The following TIMP2 variants were observed in gnomAD, a reference collection of about 807,000 sequenced individuals.
TIMP2 encodes the protein metalloproteinase inhibitor 2.
In TIMP2, 5 loss-of-function variants were observed where a neutral mutation model predicts 24.3. The ratio of observed to expected loss-of-function variants is 0.21; its 90% CI spans 0.11 to 0.43. The LOEUF is 0.43. Among genes scored for constraint, TIMP2 ranks in the 20% least tolerant of loss-of-function variants. The pLI is 1.00. For missense variants in TIMP2, 221 were observed against 297.5 expected (o/e 0.74, Z 1.89); for synonymous variants, 130 against 123.2 (o/e 1.06, Z -0.37).
At chr17:78,877,300 C>G (rs551816589) in intron 1 of TIMP2, among the ~76,000 whole-genome samples, 1 of 152,360 alleles carries the variant, frequency 6.6e-6, no homozygotes, top group South Asian at 2.1e-4. Context: ...AAACCAGGGC[C>G]AGGCACGGTG....
chr17:78,908,121 C>T (rs1023240419), intron 1 of TIMP2, among the ~76,000 whole-genome samples: 7 of 151,976 alleles, frequency 4.6e-5, no homozygotes, highest in South Asian at 4.2e-4. Flanking sequence ...GGTGACAAAG[C>T]GAGACACTGT....
chr17:78,909,728 C>T (rs1002808537), intron 1 of TIMP2, among the ~76,000 whole-genome samples: 2 of 152,118 alleles, frequency 1.3e-5, no homozygotes, highest in Admixed American at 1.3e-4. Context: ...AGACGTGCAG[C>T]GTCATGCTAC....
chr17:78,868,256 C>CTT (rs547144704), intron 3 of TIMP2, among the ~76,000 whole-genome samples: 2 of 148,586 alleles, frequency 1.3e-5, no homozygotes, highest in African/African-American at 2.5e-5. Flanking sequence ...TTTCTTTTCT[C>CTT]TTTTTTTTTT....
chr17:78,917,109 G>A (rs559550342), intron 1 of TIMP2, among the ~76,000 whole-genome samples: 13 of 152,248 alleles, frequency 8.5e-5, no homozygotes, highest in East Asian at 3.9e-4. Context: ...AAAATTAGCC[G>A]GGCGTAGTGG....
chr17:78,858,772 A>C (rs2069545439), intron 3 of TIMP2, among the ~76,000 whole-genome samples: 1 of 152,000 alleles, frequency 6.6e-6, no homozygotes, highest in African/African-American at 2.4e-5. Context: ...CAATACCCCC[A>C]CTTTGGCCTC....
chr17:78,916,336 C>G (rs112465406), intron 1 of TIMP2, among the ~76,000 whole-genome samples: 9,920 of 152,278 alleles, frequency 0.065, 390 homozygotes, highest in Middle Eastern at 0.13. Flanking sequence ...TCCCTTCCCC[C>G]TCAATGCTCC....
At chr17:78,923,396 T>TGGGGGGG (rs1255104339) in intron 1 of TIMP2, among the ~76,000 whole-genome samples, 13 of 47,686 alleles carry the variant, frequency 2.7e-4, no homozygotes, top group Admixed American at 4.5e-4. Flanking sequence ...TGGGGCGGGG[T>TGGGGGGG]GGGGGGGGGG....
rs954507529 is a variant in TIMP2 at position 78,920,452 on chromosome 17, C to A, written c.130+4507G>T. On this transcript the variant is annotated intron_variant, in intron 1 of 4. Transcript: ENST00000262768. The surrounding 1 kb of genome is among the most constrained non-coding windows in gnomAD (Gnocchi z 4.5). ...GAAACGTGTGTTGTCCAGAGAGCTC[C>A]TTCCAGCACCTGCCATACCTCCAGG... is the stretch of plus-strand genomic sequence containing the variant. 6.6e-6 allele frequency among the ~76,000 whole-genome samples: 1 copy of A among 152,164 alleles called. No individual in the cohort carries two copies. Among genetic ancestry groups the A allele is most frequent in the African/African-American group, 2.4e-5 (1 of 41,436 alleles).
At chr17:78,858,495 G>A (rs1389891374) in intron 3 of TIMP2, among the ~76,000 whole-genome samples, 1 of 151,674 alleles carries the variant, frequency 6.6e-6, no homozygotes, top group Non-Finnish European at 1.5e-5. Context: ...ATTACCCACA[G>A]CTAATATTTT....
chr17:78,858,293 A>G (rs188261525), intron 3 of TIMP2, among the ~76,000 whole-genome samples: 4 of 151,856 alleles, frequency 2.6e-5, no homozygotes, highest in Non-Finnish European at 4.4e-5. Flanking sequence ...AATACAAAAA[A>G]TTAGCCAGGC....
Position 78,878,325 on chromosome 17 carries a change from G to A in TIMP2, c.131-4406C>T, listed in dbSNP as rs1198428056. ...AGTTGTTCACACCTAAGACAGAGAC[G>A]ATGACAACAGTCTTGACACTTCACA... On this transcript the variant is annotated intron_variant, in intron 1 of 4. Transcript: ENST00000262768. Among the ~76,000 whole-genome samples, 8 of 152,292 alleles carry A rather than the reference G, an allele frequency of 5.3e-5. No individual in the cohort carries two copies. In the East Asian group the frequency reaches 5.8e-4, roughly 11 times the overall value.
intron 1 of TIMP2, among the ~76,000 whole-genome samples, chr17:78,879,351 A>G (rs1182767541): frequency 6.6e-6 from 1 of 152,232 alleles, no homozygotes; most frequent in Non-Finnish European, 1.5e-5. Context: ...AAAGCAGGCC[A>G]CTTCAAAAGA....
chr17:78,923,408 C>CGGGGGGGGGGG (rs2070323933), intron 1 of TIMP2, among the ~76,000 whole-genome samples: 1 of 5,472 alleles, frequency 1.8e-4, no homozygotes. Context: ...GGGGGGGGGG[C>CGGGGGGGGGGG]GGGAGGGGGA....
rs571823006 is a variant in TIMP2, at chr17:78,891,962, C to G, written c.131-18043G>C. ...GGGGTGTTGCTGGCCCAACTCTTCC[C>G]TGCAACTCCTCTCTTCACTAAGGGC... On this transcript the variant is annotated intron_variant, in intron 1 of 4. Coordinates refer to ENST00000262768, the MANE Select transcript of TIMP2 (RefSeq NM_003255.5). This position sits in a 1 kb window ranked among gnomAD's most constrained non-coding sequence, Gnocchi z 4.5. The G allele has an allele frequency of 1.8e-4, 279 of 1,550,624 alleles. No individual in the cohort carries two copies. The African/African-American group carries it at 3.7e-3, about 20-fold the overall frequency.
At chr17:78,863,304 A>T (rs1260073208) in intron 3 of TIMP2, among the ~76,000 whole-genome samples, 1 of 152,068 alleles carries the variant, frequency 6.6e-6, no homozygotes, top group Non-Finnish European at 1.5e-5. Context: ...GTGCAGTGGC[A>T]CAATCTTGGC....
chr17:78,886,461 T>C (rs1210638654), intron 1 of TIMP2, among the ~76,000 whole-genome samples: 1 of 152,068 alleles, frequency 6.6e-6, no homozygotes, highest in Non-Finnish European at 1.5e-5. Flanking sequence ...ACAGAGGTGA[T>C]GCTACACTGA....
chr17:78,879,836 C>G (rs1382415945), intron 1 of TIMP2, among the ~76,000 whole-genome samples: 1 of 152,094 alleles, frequency 6.6e-6, no homozygotes, highest in East Asian at 1.9e-4. Context: ...TCCCCACCCC[C>G]ACCCCTCCAG....
intron 1 of TIMP2, among the ~76,000 whole-genome samples, chr17:78,902,922 C>T (rs1274312366): frequency 6.6e-6 from 1 of 152,238 alleles, no homozygotes; most frequent in African/African-American, 2.4e-5. Flanking sequence ...CACTCTCCTT[C>T]CCATCACACT....
intron 1 of TIMP2, among the ~76,000 whole-genome samples, chr17:78,888,102 T>A (rs1034230547): frequency 6.6e-6 from 1 of 151,856 alleles, no homozygotes; most frequent in Non-Finnish European, 1.5e-5. Flanking sequence ...CATATATGGA[T>A]AAAGATAGGG....
Sources: gnomAD v4.1 joint callset for allele counts (sites outside exome capture counted in the v4.1 genomes callset) on GRCh38, gnomAD v4.1.1 for gene constraint, Gnocchi (gnomAD v3.1) non-coding constraint, MANE v1.5 for transcripts, NCBI Gene and HGNC (gene_info 2026-07-23, HGNC 2026-07-21) for gene names.